DEXI: variants seen among roughly 807,000 people sequenced by gnomAD.
DEXI encodes the protein Dexi homolog, also known as dexamethasone-induced protein.
In DEXI, 2 loss-of-function variants were observed where a neutral mutation model predicts 2.5. The observed-to-expected ratio is 0.81, with a 90% confidence interval of 0.33 to 2.55. The LOEUF (loss-of-function observed/expected upper bound fraction) is 2.55. Among genes scored for constraint, DEXI ranks in the 30% most tolerant of loss-of-function variants. The pLI, the probability that DEXI is intolerant of heterozygous loss-of-function variation, is 0.11. For missense variants in DEXI, 108 were observed against 130.3 expected, an observed-to-expected ratio of 0.83 and a Z score of 0.83; for synonymous variants, 71 against 68.7, an observed-to-expected ratio of 1.03 and a Z score of -0.17.
rs756438358 is a variant in DEXI, at chr16:10,941,929, G to A, written c.77C>T (p.Pro26Leu). Residue 26 changes from proline (P) to leucine (L), a missense_variant, in exon 1 of 2, where the codon CCC (proline) becomes CTC (leucine). Coordinates refer to ENST00000331808, the MANE Select transcript of DEXI (RefSeq NM_014015.4). This position sits in a 1 kb window ranked among gnomAD's most constrained non-coding sequence, Gnocchi z 6.4. ...LVPYVPPPLL[P>L]SMFYVGLFFV... is the part of the protein sequence containing the mutation. ...GAACAGGCCCACGTAGAACATAGAG[G>A]GCAGCAGCGGCGGCGGCACGTAGGG... The A allele has an allele frequency of 3.1e-6, 5 of 1,594,678 alleles. No homozygotes were observed. In the South Asian group the frequency reaches 5.6e-5, roughly 18 times the overall value.
In DEXI at chr16:10,929,357, G is replaced by A. The variant is rs932124165; in HGVS notation, c.*352C>T. 11 of 985,812 alleles carry A rather than the reference G, an allele frequency of 1.1e-5. No individual in the cohort carries two copies. The highest frequency in any genetic ancestry group is 1.1e-4 in the East Asian group (1 of 8,830). 61.1% of individuals were successfully genotyped at this position (985,812 alleles called of 1,614,324 possible). ...GGCTGGGTTCCTGTAAACATCCATC[G>A]CAGCTGCAAATAATCAGAAGCCAAG... On this transcript the variant is annotated 3_prime_UTR_variant, in exon 2 of 2. Transcript: ENST00000331808. This position sits in a 1 kb window ranked among gnomAD's most constrained non-coding sequence, Gnocchi z 4.3.
At position 10,929,144 on chromosome 16, in the gene DEXI, T is replaced by A. The variant is rs761029239; in HGVS notation, c.*565A>T. On this transcript the variant is annotated 3_prime_UTR_variant, in exon 2 of 2. Coordinates refer to ENST00000331808, the MANE Select transcript of DEXI (RefSeq NM_014015.4). The surrounding 1 kb of genome is among the most constrained non-coding windows in gnomAD (Gnocchi z 4.3). Reference sequence around the variant, plus strand: ...TTCCTCAGCTTCTTTTTCTTCTGAGTCACCCCTGAAACAGTCGCTGCATCT... The same window carrying A: ...TTCCTCAGCTTCTTTTTCTTCTGAGACACCCCTGAAACAGTCGCTGCATCT... The A allele has an allele frequency of 2.7e-5, 24 of 903,016 alleles. No homozygotes were observed. Among genetic ancestry groups the A allele is most frequent in the Non-Finnish European group, 3.2e-5 (24 of 754,768 alleles). 55.9% of individuals were successfully genotyped at this position (903,016 alleles called of 1,614,324 possible).
chr16:10,929,462 C>A lies in DEXI; in HGVS notation c.*247G>T, dbSNP rs2040681880. 1.0e-6 allele frequency: 1 copy of A among 985,764 alleles called. No individual in the cohort carries two copies. Among genetic ancestry groups the A allele is most frequent in the East Asian group, 1.1e-4 (1 of 8,816 alleles). The allele number at this position is 985,764 out of a possible 1,614,324, so 61.1% of individuals were successfully genotyped here. On this transcript the variant is annotated 3_prime_UTR_variant, in exon 2 of 2. Coordinates refer to ENST00000331808, the MANE Select transcript of DEXI (RefSeq NM_014015.4). The surrounding 1 kb of genome is among the most constrained non-coding windows in gnomAD (Gnocchi z 4.3). ...GTTCCCCCTTCTGTGGGAGCAGGTG[C>A]CTTCCCAACCTCAGCACTCAGTCCC... is the stretch of plus-strand genomic sequence containing the variant.
chr16:10,941,625 G>T lies in DEXI; in HGVS notation c.*93C>A, dbSNP rs1276926245. ...GGGGAACCATCCCCGTCCAGATGGTGCCCCCAACCAGCTGCGGCGGCATGA... is the reference window on the plus strand; with the variant it reads ...GGGGAACCATCCCCGTCCAGATGGTTCCCCCAACCAGCTGCGGCGGCATGA... On this transcript the variant is annotated 3_prime_UTR_variant, in exon 1 of 2. Coordinates refer to ENST00000331808, the MANE Select transcript of DEXI (RefSeq NM_014015.4). The surrounding 1 kb of genome is among the most constrained non-coding windows in gnomAD (Gnocchi z 6.4). 3.3e-6 allele frequency: 5 copies of T among 1,517,882 alleles called. No individual in the cohort carries two copies. Among genetic ancestry groups the T allele is most frequent in the Non-Finnish European group, 4.4e-6 (5 of 1,134,196 alleles). 94.0% of individuals were successfully genotyped at this position (1,517,882 alleles called of 1,614,324 possible). A position where few individuals can be genotyped will look rare whatever the true frequency, so the allele number is the denominator to read the frequency against.
At position 10,941,622 on chromosome 16, in the gene DEXI, G is replaced by A. The variant is rs917232953; in HGVS notation, c.*96C>T. The A allele has an allele frequency of 2.8e-5, 42 of 1,515,102 alleles. No homozygotes were observed. Among genetic ancestry groups the A allele is most frequent in the Non-Finnish European group, 3.4e-5 (38 of 1,132,978 alleles). 93.9% of individuals were successfully genotyped at this position (1,515,102 alleles called of 1,614,324 possible). A position where few individuals can be genotyped will look rare whatever the true frequency, so the allele number is the denominator to read the frequency against. ...CCTGGGGAACCATCCCCGTCCAGAT[G>A]GTGCCCCCAACCAGCTGCGGCGGCA... is the stretch of plus-strand genomic sequence containing the variant. On this transcript the variant is annotated 3_prime_UTR_variant, in exon 1 of 2. Transcript: ENST00000331808. This position sits in a 1 kb window ranked among gnomAD's most constrained non-coding sequence, Gnocchi z 6.4.
rs1266927832 is a variant in DEXI, at chr16:10,937,930, CT to C, written c.*149+3638del. ...GGGCTGGGAAGGCAGAGTGGGAAGT[CT>C]CCCCCAGCTAGGCTAGACCTGGACC... On this transcript the variant is annotated intron_variant, in intron 1 of 1. Transcript: ENST00000331808. The surrounding 1 kb of genome is among the most constrained non-coding windows in gnomAD (Gnocchi z 4.2). 6.6e-6 allele frequency: 1 copy of C among 152,226 alleles called. No homozygotes were observed. Among genetic ancestry groups the C allele is most frequent in the East Asian group, 1.9e-4 (1 of 5,194 alleles). 9.4% of individuals were successfully genotyped at this position (152,226 alleles called of 1,614,324 possible).
At chr16:10,930,451 C>T (rs1228724911) in intron 1 of DEXI, 2 of 152,128 alleles carry the variant, frequency 1.3e-5, no homozygotes, top group African/African-American at 4.8e-5. Flanking sequence ...AAATGCCCTC[C>T]TACCCTATTT....
In DEXI at chr16:10,939,325, T is replaced by C. The variant is rs375964662; in HGVS notation, c.*149+2244A>G. The C allele has an allele frequency of 2.0e-5, 3 of 152,266 alleles. No homozygotes were observed. Among genetic ancestry groups the C allele is most frequent in the East Asian group, 1.9e-4 (1 of 5,206 alleles). The allele number at this position is 152,266 out of a possible 1,614,324, so 9.4% of individuals were successfully genotyped here. A position where few individuals can be genotyped will look rare whatever the true frequency, so the allele number is the denominator to read the frequency against. On this transcript the variant is annotated intron_variant, in intron 1 of 1. Transcript: ENST00000331808. This position sits in a 1 kb window ranked among gnomAD's most constrained non-coding sequence, Gnocchi z 4.9. ...ACCCCTCAGCTCATTCTGTCCACAA[T>C]TGCCAGAGTCATTTTTGCAAAATGG...
chr16:10,931,724 A>T (rs560856444), intron 1 of DEXI: 1 of 152,302 alleles, frequency 6.6e-6, no homozygotes, highest in South Asian at 2.1e-4. Flanking sequence ...CTAAAAACAA[A>T]CAAACAAAAA....
intron 1 of DEXI, chr16:10,935,851 A>G (rs947050182): frequency 5.3e-5 from 8 of 152,242 alleles, no homozygotes; most frequent in South Asian, 2.1e-4. Flanking sequence ...TAATATGTCA[A>G]TGTCACAAGA....
intron 1 of DEXI, chr16:10,933,140 T>A (rs568045268): frequency 2.6e-5 from 4 of 152,192 alleles, no homozygotes; most frequent in Non-Finnish European, 4.4e-5. Flanking sequence ...CCACTAGATT[T>A]TTTTCCCCCT....
rs1468326265 is a variant in DEXI at position 10,942,242 on chromosome 16, CG to C, written c.-238del. On this transcript the variant is annotated 5_prime_UTR_variant, in exon 1 of 2. Coordinates refer to ENST00000331808, the MANE Select transcript of DEXI (RefSeq NM_014015.4). This position sits in a 1 kb window ranked among gnomAD's most constrained non-coding sequence, Gnocchi z 5.0. ...TCTCTCGACCGCCCGGGCGGCGAGG[CG>C]GGCCCCCCTGAAGTGGCCCGCGGCT... The C allele has an allele frequency of 1.9e-5, 7 of 368,962 alleles. No homozygotes were observed. The South Asian group carries it at 3.3e-4, about 18-fold the overall frequency. 22.9% of individuals were successfully genotyped at this position (368,962 alleles called of 1,614,324 possible).
In DEXI at chr16:10,938,540, C is replaced by T. The variant is rs1027097803; in HGVS notation, c.*149+3029G>A. ...GCTGAGAAAGAGCAGGACTGACTAC[C>T]GGCGTTCCCCTGCTTATGGAAAGGG... is the stretch of plus-strand genomic sequence containing the variant. On this transcript the variant is annotated intron_variant, in intron 1 of 1. Transcript: ENST00000331808. This position sits in a 1 kb window ranked among gnomAD's most constrained non-coding sequence, Gnocchi z 4.9. The T allele has an allele frequency of 1.3e-5, 2 of 152,120 alleles. No homozygotes were observed. Among genetic ancestry groups the T allele is most frequent in the African/African-American group, 2.4e-5 (1 of 41,406 alleles). 9.4% of individuals were successfully genotyped at this position (152,120 alleles called of 1,614,324 possible).
chr16:10,931,896 A>T (rs2040814508), intron 1 of DEXI: 2 of 152,256 alleles, frequency 1.3e-5, no homozygotes, highest in Non-Finnish European at 2.9e-5. Flanking sequence ...GTCTCAAAAA[A>T]ACACAAAAGT....
In DEXI at chr16:10,942,448, G is replaced by C. The variant is rs1343006919; in HGVS notation, c.-443C>G. On this transcript the variant is annotated 5_prime_UTR_variant, in exon 1 of 2. Coordinates refer to ENST00000331808, the MANE Select transcript of DEXI (RefSeq NM_014015.4). This position sits in a 1 kb window ranked among gnomAD's most constrained non-coding sequence, Gnocchi z 5.0. ...CAGCACCCATGGCTGCGGCCGCCGC[G>C]TAGCCCTCCCGGTGGCGCTCGGAGC... 2 of 153,248 alleles carry C rather than the reference G, an allele frequency of 1.3e-5. No homozygotes were observed. Among genetic ancestry groups the C allele is most frequent in the African/African-American group, 2.4e-5 (1 of 41,482 alleles). The allele number at this position is 153,248 out of a possible 1,614,324, so 9.5% of individuals were successfully genotyped here.
At chr16:10,931,437 T>G (rs2145333899) in intron 1 of DEXI, 1 of 151,992 alleles carries the variant, frequency 6.6e-6, no homozygotes, top group African/African-American at 2.4e-5. Flanking sequence ...TGTGCAGATC[T>G]CCAGTCTGAA....
At chr16:10,931,565 T>C (rs150365306) in intron 1 of DEXI, 3 of 152,312 alleles carry the variant, frequency 2.0e-5, no homozygotes, top group Admixed American at 6.5e-5. Context: ...ATAGTTTTTC[T>C]TTTCCAAGTC....
chr16:10,937,583 C>G lies in DEXI; in HGVS notation c.*149+3986G>C, dbSNP rs2041046585. On this transcript the variant is annotated intron_variant, in intron 1 of 1. Coordinates refer to ENST00000331808, the MANE Select transcript of DEXI (RefSeq NM_014015.4). This position sits in a 1 kb window ranked among gnomAD's most constrained non-coding sequence, Gnocchi z 4.2. The stretch of plus-strand genomic sequence containing the variant: ...CAGGACAAGCTGACTCTGGTGGCAA[C>G]GTTCTCCAGTCTCTGCATTTTCAGC... The G allele has an allele frequency of 6.6e-6, 1 of 152,258 alleles. No individual in the cohort carries two copies. The highest frequency in any genetic ancestry group is 2.4e-5 in the African/African-American group (1 of 41,456). The allele number at this position is 152,258 out of a possible 1,614,324, so 9.4% of individuals were successfully genotyped here.
Position 10,937,986 on chromosome 16 carries a change from C to A in DEXI, c.*149+3583G>T, listed in dbSNP as rs1322734871. ...TGGCACTCAGGCAGCCTGTCCTCTT[C>A]TGCTCACAGGATATAAATATTCATG... On this transcript the variant is annotated intron_variant, in intron 1 of 1. Transcript: ENST00000331808. The surrounding 1 kb of genome is among the most constrained non-coding windows in gnomAD (Gnocchi z 4.2). The A allele has an allele frequency of 6.6e-6, 1 of 152,290 alleles. No individual in the cohort carries two copies. Among genetic ancestry groups the A allele is most frequent in the Non-Finnish European group, 1.5e-5 (1 of 68,078 alleles). 9.4% of individuals were successfully genotyped at this position (152,290 alleles called of 1,614,324 possible).
Sources: gnomAD v4.1 joint callset for allele counts on GRCh38, gnomAD v4.1.1 for gene constraint, Gnocchi (gnomAD v3.1) non-coding constraint, MANE v1.5 for transcripts, NCBI Gene and HGNC (gene_info 2026-07-23, HGNC 2026-07-21) for gene names.